Variants in ETFA observed in about 807,000 individuals in gnomAD.
The protein encoded by ETFA is electron transfer flavoprotein subunit alpha, mitochondrial.
Under a neutral mutation model 46.2 loss-of-function variants are expected in ETFA, and 22 were observed. The ratio of observed to expected loss-of-function variants is 0.48; its 90% CI spans 0.34 to 0.68. The LOEUF is 0.68. ETFA is among the 30% of genes least tolerant of loss of function. The pLI is 0.01. For synonymous variants in ETFA, 131 were observed against 139.9 expected (o/e 0.94, Z 0.45); for missense variants, 345 against 401.1 (o/e 0.86, Z 1.19).
chr15:76,218,634 A>C (rs186190781), intron 11 of ETFA, among the ~76,000 whole-genome samples: 1 of 152,348 alleles, frequency 6.6e-6, no homozygotes, highest in African/African-American at 2.4e-5. Flanking sequence ...ATGCTAACTC[A>C]GGTTCATTGA....
chr15:76,287,281 G>A (rs1206483756), intron 5 of ETFA, among the ~76,000 whole-genome samples: 1 of 152,096 alleles, frequency 6.6e-6, no homozygotes, highest in Non-Finnish European at 1.5e-5. Context: ...TCCCACCTCA[G>A]CCTCCCAAGT....
chr15:76,273,090 G>C (rs1391321419), intron 9 of ETFA, among the ~76,000 whole-genome samples: 1 of 151,924 alleles, frequency 6.6e-6, no homozygotes, highest in Non-Finnish European at 1.5e-5. Context: ...ATCAAAATTA[G>C]AAATCTCTAC....
chr15:76,285,968 G>A lies in ETFA; in HGVS notation c.563-230C>T, dbSNP rs183547497. Reference sequence around the variant, plus strand: ...CTCCAGAAATCATTCAATTCTCTGAGTCTGAATATAGAATAACTTTCTTTC... The same window carrying A: ...CTCCAGAAATCATTCAATTCTCTGAATCTGAATATAGAATAACTTTCTTTC... On this transcript the variant is annotated intron_variant, in intron 6 of 11. Transcript: ENST00000557943. 4.6e-5 allele frequency among the ~76,000 whole-genome samples: 7 copies of A among 152,292 alleles called. No individual in the cohort carries two copies. The East Asian group carries it at 1.3e-3, about 29-fold the overall frequency.
intron 1 of ETFA, among the ~76,000 whole-genome samples, chr15:76,310,683 A>T (rs1177860523): frequency 2.6e-5 from 4 of 152,244 alleles, no homozygotes; most frequent in East Asian, 1.9e-4. Flanking sequence ...TGCTGGTTAA[A>T]AGCAGGTCAG....
At chr15:76,248,652 A>G (rs915153160) in intron 9 of ETFA, among the ~76,000 whole-genome samples, 13 of 152,204 alleles carry the variant, frequency 8.5e-5, no homozygotes, top group African/African-American at 3.1e-4. Flanking sequence ...ATGTGTATCC[A>G]GAATACATAA....
chr15:76,254,633 G>A (rs1439972952), intron 9 of ETFA, among the ~76,000 whole-genome samples: 3 of 151,986 alleles, frequency 2.0e-5, no homozygotes, highest in South Asian at 2.1e-4. Flanking sequence ...GTTATTTACC[G>A]TTTTTTTCTT....
At chr15:76,251,091 G>A (rs553128351) in intron 9 of ETFA, among the ~76,000 whole-genome samples, 204 of 152,224 alleles carry the variant, frequency 1.3e-3, no homozygotes, top group African/African-American at 4.6e-3. Context: ...AGCCTAGCAA[G>A]AGAGGTGAAA....
intron 9 of ETFA, among the ~76,000 whole-genome samples, chr15:76,268,081 A>T (rs556251462): frequency 2.0e-5 from 3 of 152,110 alleles, no homozygotes; most frequent in Admixed American, 6.6e-5. Context: ...TTAATCAGAA[A>T]AAGCCTGCTT....
intron 1 of ETFA, among the ~76,000 whole-genome samples, chr15:76,305,435 T>G (rs2039930453): frequency 1.3e-5 from 2 of 152,158 alleles, no homozygotes; most frequent in Admixed American, 1.3e-4. Context: ...ACTAAACATG[T>G]ATAAGGGTAA....
intron 9 of ETFA, among the ~76,000 whole-genome samples, chr15:76,235,674 G>A (rs1381937544): frequency 1.3e-5 from 2 of 151,990 alleles, no homozygotes; most frequent in Non-Finnish European, 2.9e-5. Context: ...TACAGGTTAC[G>A]GCAAGGTCAC....
intron 9 of ETFA, among the ~76,000 whole-genome samples, chr15:76,245,826 T>C (rs1452241470): frequency 6.6e-6 from 1 of 152,176 alleles, no homozygotes; most frequent in Non-Finnish European, 1.5e-5. Context: ...AAAAAGCTAA[T>C]AGAAGGCAAT....
In ETFA at chr15:76,279,858, C is replaced by A. The variant is rs745692877; in HGVS notation, c.733+3899G>T. ...CTCCTTTTCTCTCTTAGCTCTCAAT[C>A]ATACAGGGTTTATGGCTTAGTCCTG... On this transcript the variant is annotated intron_variant, in intron 8 of 11. Coordinates refer to ENST00000557943, the MANE Select transcript of ETFA (RefSeq NM_000126.4). Among the ~76,000 whole-genome samples, 32 of 151,808 alleles carry A rather than the reference C, an allele frequency of 2.1e-4. No homozygotes were observed. In the South Asian group the frequency reaches 3.1e-3, roughly 15 times the overall value.
At chr15:76,285,205 A>C (rs952220574) in intron 7 of ETFA, among the ~76,000 whole-genome samples, 2 of 152,236 alleles carry the variant, frequency 1.3e-5, no homozygotes, top group African/African-American at 4.8e-5. Context: ...AATGTTAAGA[A>C]ACTTTTTAAA....
At chr15:76,270,821 C>T (rs1293442655) in intron 9 of ETFA, among the ~76,000 whole-genome samples, 1 of 151,982 alleles carries the variant, frequency 6.6e-6, no homozygotes, top group East Asian at 1.9e-4. Context: ...AGATTTTTAC[C>T]CATTGAATAA....
In ETFA at chr15:76,305,693, C is replaced by T. The variant is rs147506144; in HGVS notation, c.39+5657G>A. 1.7e-3 allele frequency among the ~76,000 whole-genome samples: 265 copies of T among 152,232 alleles called. 1 individual carries two copies. The highest frequency in any genetic ancestry group is 0.012 in the South Asian group (57 of 4,826). On this transcript the variant is annotated intron_variant, in intron 1 of 11. Coordinates refer to ENST00000557943, the MANE Select transcript of ETFA (RefSeq NM_000126.4). ...AGCTAAATTTCTTGAAAATAATTTCCACAGACACCAACTCTTATTACCTCA... is the reference window on the plus strand; with the variant it reads ...AGCTAAATTTCTTGAAAATAATTTCTACAGACACCAACTCTTATTACCTCA...
chr15:76,310,918 C>G (rs373613573), intron 1 of ETFA, among the ~76,000 whole-genome samples: 1 of 141,150 alleles, frequency 7.1e-6, no homozygotes, highest in African/African-American at 2.6e-5. Context: ...TTTAATTCTT[C>G]CAGAAATGCC....
chr15:76,240,222 C>T (rs1339317938), intron 9 of ETFA, among the ~76,000 whole-genome samples: 4 of 152,204 alleles, frequency 2.6e-5, no homozygotes, highest in Admixed American at 6.5e-5. Flanking sequence ...GGAAGAAAAG[C>T]AGGGGCCCTT....
chr15:76,274,598 T>TC (rs1242663250), intron 8 of ETFA, 104 bp from the exon 9 acceptor site: 1 of 911,196 alleles, frequency 1.1e-6, no homozygotes, highest in African/African-American at 1.6e-5. Flanking sequence ...GAATTCTAAG[T>TC]ACTAGTATAT....
At chr15:76,292,137 G>A (rs1422816969) in intron 4 of ETFA, among the ~76,000 whole-genome samples, 1 of 152,004 alleles carries the variant, frequency 6.6e-6, no homozygotes, top group African/African-American at 2.4e-5. Flanking sequence ...ACTCTTGCTC[G>A]TTCACTCTCT....
Sources: gnomAD v4.1 joint callset for allele counts (sites outside exome capture counted in the v4.1 genomes callset) on GRCh38, gnomAD v4.1.1 for gene constraint, MANE v1.5 for transcripts, NCBI Gene and HGNC (gene_info 2026-07-23, HGNC 2026-07-21) for gene names.